The following TBC1D2B variants were observed in gnomAD, a reference collection of about 807,000 sequenced individuals.
TBC1D2B encodes the protein TBC1 domain family member 2B.
A neutral mutation model predicts 100.8 loss-of-function variants in TBC1D2B; 64 were observed. The observed-to-expected ratio is 0.64, with a 90% CI of 0.52 to 0.78. The LOEUF is 0.78. Among genes scored for constraint, TBC1D2B ranks in the 30% least tolerant of loss-of-function variants. The pLI, the probability that TBC1D2B is intolerant of heterozygous loss-of-function variation, is 0.00. For missense variants in TBC1D2B, 1,052 were observed against 1,218.4 expected, an observed-to-expected ratio of 0.86 and a Z score of 2.03; for synonymous variants, 480 against 479.7, an observed-to-expected ratio of 1.00 and a Z score of -0.01.
chr15:78,018,039 T>C, intron 6 of TBC1D2B, 82 bp from the exon 7 acceptor site: 2 of 697,602 alleles, frequency 2.9e-6, no homozygotes, highest in South Asian at 2.1e-5. Flanking sequence ...AGTAGCTTGC[T>C]GCTTCACCAA....
intron 2 of TBC1D2B, 105 bp from the exon 3 acceptor site, chr15:78,045,173 T>C (rs2073171034): frequency 1.0e-6 from 1 of 1,002,092 alleles, no homozygotes; most frequent in Non-Finnish European, 1.4e-6. Context: ...ATCTAAACTA[T>C]GTAATAGTAT....
rs2073853743 is a variant in TBC1D2B at position 78,077,617 on chromosome 15, G to GCCGCCCTCCT, written c.26_35dup (p.Gly15ArgfsTer132). 2.0e-6 allele frequency: 2 copies of GCCGCCCTCCT among 1,021,886 alleles called. No homozygotes were observed. Among genetic ancestry groups the GCCGCCCTCCT allele is most frequent in the African/African-American group, 1.8e-5 (1 of 55,296 alleles). 63.3% of individuals were successfully genotyped at this position (1,021,886 alleles called of 1,614,324 possible). A position where few individuals can be genotyped will look rare whatever the true frequency, so the allele number is the denominator to read the frequency against. ...CCTGCGCCGCGCCCTCGCCGCCGCC[G>GCCGCCCTCCT]CCGCCCTCCTCCGCCCGGGCTCCGG... On this transcript the variant is annotated frameshift_variant, in exon 1 of 13. Transcript: ENST00000300584. LOFTEE classifies it high-confidence loss of function.
At chr15:78,046,610 G>A (rs2073200694) in intron 2 of TBC1D2B, among the ~76,000 whole-genome samples, 1 of 151,926 alleles carries the variant, frequency 6.6e-6, no homozygotes, top group African/African-American at 2.4e-5. Flanking sequence ...GGGACTACAG[G>A]CACGCACGAT....
intron 2 of TBC1D2B, among the ~76,000 whole-genome samples, chr15:78,053,144 C>G (rs1243404862): frequency 2.0e-5 from 3 of 152,208 alleles, no homozygotes; most frequent in African/African-American, 7.2e-5. Flanking sequence ...GCCACACGTG[C>G]CAACACCATC....
intron 12 of TBC1D2B, 29 bp downstream of exon 12, chr15:78,001,590 T>C (rs772889596): frequency 2.1e-5 from 34 of 1,592,308 alleles, no homozygotes; most frequent in Non-Finnish European, 2.7e-5. Flanking sequence ...CCTGCTCTCC[T>C]TGACATCTGA....
rs1196050037 is a variant in TBC1D2B, at chr15:78,024,434, G to A, written c.1192C>T (p.Leu398=). 10 of 1,613,912 alleles carry A rather than the reference G, an allele frequency of 6.2e-6. No homozygotes were observed. The East Asian group carries it at 6.7e-5, about 11-fold the overall frequency. The part of the protein sequence containing the change: ...EGVPKDTLEL[L]HQKDDQILGL... ...AGAATCTGATCATCCTTTTGGTGCA[G>A]AAGCTCGAGCGTGTCCTTTGGGACC... is the stretch of plus-strand genomic sequence containing the variant. The change falls in exon 6 of 13, where the codon CTG becomes TTG. Residue 398 remains leucine (L), a synonymous_variant. Coordinates refer to ENST00000300584, the MANE Select transcript of TBC1D2B (RefSeq NM_144572.2).
At chr15:78,031,193 A>G (rs892777257) in intron 3 of TBC1D2B, among the ~76,000 whole-genome samples, 1 of 152,246 alleles carries the variant, frequency 6.6e-6, no homozygotes, top group South Asian at 2.1e-4. Flanking sequence ...AAGTCCACAC[A>G]TAAATTACAA....
At chr15:78,059,004 G>T (rs2073485007) in intron 1 of TBC1D2B, among the ~76,000 whole-genome samples, 1 of 152,202 alleles carries the variant, frequency 6.6e-6, no homozygotes, top group Non-Finnish European at 1.5e-5. Flanking sequence ...TTCAGAGCAG[G>T]TTTCCCTGAC....
intron 1 of TBC1D2B, among the ~76,000 whole-genome samples, chr15:78,064,822 A>T (rs2073625132): frequency 6.6e-6 from 1 of 152,178 alleles, no homozygotes; most frequent in South Asian, 2.1e-4. Flanking sequence ...AGCAACAGAG[A>T]CTAAGAAGGC....
At chr15:77,998,615 T>G in intron 12 of TBC1D2B, 1 of 435,004 alleles carries the variant, frequency 2.3e-6, no homozygotes, top group East Asian at 4.1e-5. Context: ...CACCCCCCTT[T>G]TCTGGCCTCT....
At chr15:78,019,573 T>A (rs1365493511) in intron 6 of TBC1D2B, among the ~76,000 whole-genome samples, 1 of 150,882 alleles carries the variant, frequency 6.6e-6, no homozygotes, top group East Asian at 2.0e-4. Context: ...ACTGGTGTCT[T>A]AAAAGCTTTT....
At chr15:78,011,644 GGTTTTT>G (rs567605389) in intron 9 of TBC1D2B, among the ~76,000 whole-genome samples, 6,321 of 127,474 alleles carry the variant, frequency 0.05, 422 homozygotes, top group African/African-American at 0.11. Flanking sequence ...CTAATTTTTT[GGTTTTT>G]TTTTTTTTTT....
At chr15:78,047,941 G>C (rs928725434) in intron 2 of TBC1D2B, among the ~76,000 whole-genome samples, 5 of 152,236 alleles carry the variant, frequency 3.3e-5, no homozygotes, top group Admixed American at 6.5e-5. Flanking sequence ...AGCCAAGTCA[G>C]GAAATAAACA....
At chr15:78,067,622 C>T (rs1278365239) in intron 1 of TBC1D2B, among the ~76,000 whole-genome samples, 1 of 152,272 alleles carries the variant, frequency 6.6e-6, no homozygotes, top group South Asian at 2.1e-4. Flanking sequence ...ACACAAGTCC[C>T]AGCCCAGGGG....
intron 1 of TBC1D2B, among the ~76,000 whole-genome samples, chr15:78,059,295 T>C (rs545180755): frequency 2.6e-5 from 4 of 152,358 alleles, no homozygotes; most frequent in African/African-American, 9.6e-5. Context: ...TCTTGCACAG[T>C]GTCCTGAATA....
chr15:78,001,514 C>T lies in TBC1D2B; in HGVS notation c.2696+105G>A, dbSNP rs761442354. The T allele has an allele frequency of 7.1e-4, 972 of 1,374,632 alleles. 1 individual carries two copies. The highest frequency in any genetic ancestry group is 8.9e-4 in the Non-Finnish European group (925 of 1,035,324). 85.2% of individuals were successfully genotyped at this position (1,374,632 alleles called of 1,614,324 possible). A position where few individuals can be genotyped will look rare whatever the true frequency, so the allele number is the denominator to read the frequency against. On this transcript the variant is annotated intron_variant, in intron 12 of 12. Coordinates refer to ENST00000300584, the MANE Select transcript of TBC1D2B (RefSeq NM_144572.2). ...CAATGCCCTCTCCAACACTGTACACCGGGGATGGCTCTGAGTTGGAAGACA... is the reference window on the plus strand; with the variant it reads ...CAATGCCCTCTCCAACACTGTACACTGGGGATGGCTCTGAGTTGGAAGACA...
chr15:78,037,744 C>A (rs988621898), intron 3 of TBC1D2B, among the ~76,000 whole-genome samples: 1 of 152,142 alleles, frequency 6.6e-6, no homozygotes, highest in African/African-American at 2.4e-5. Context: ...GTGAGGAAAT[C>A]AATTTTGAGG....
In TBC1D2B at chr15:78,013,077, C is replaced by T. The variant is rs149524007; in HGVS notation, c.2016G>A (p.Trp672Ter). 1 of 1,614,018 alleles carries T rather than the reference C, an allele frequency of 6.2e-7. No homozygotes were observed. Among genetic ancestry groups the T allele is most frequent in the Non-Finnish European group, 8.5e-7 (1 of 1,179,890 alleles). ...TGGTGTGACGGTCCACACACCACTT[C>T]CACACCTTGGAACGGTGCTCGTGGG... ...GIPHEHRSKV[W>*]KWCVDRHTRK... Residue 672 changes from tryptophan to a stop codon, truncating the protein, a stop_gained, in exon 9 of 13, where the codon TGG (tryptophan) becomes TGA (stop). Transcript: ENST00000300584. LOFTEE classifies it high-confidence loss of function.
intron 1 of TBC1D2B, among the ~76,000 whole-genome samples, chr15:78,055,901 C>G (rs1048442149): frequency 6.6e-6 from 1 of 152,090 alleles, no homozygotes; most frequent in African/African-American, 2.4e-5. Flanking sequence ...GCAGAGCAGG[C>G]GACGCGGGGC....
Sources: gnomAD v4.1 joint callset for allele counts (sites outside exome capture counted in the v4.1 genomes callset) on GRCh38, gnomAD v4.1.1 for gene constraint, MANE v1.5 for transcripts, NCBI Gene and HGNC (gene_info 2026-07-23, HGNC 2026-07-21) for gene names.